The following CADM2 variants were observed in gnomAD, a reference collection of about 807,000 sequenced individuals.
CADM2 encodes the protein cell adhesion molecule 2.
CADM2 carries 12 observed loss-of-function variants against 49.8 expected under a neutral mutation model. The ratio of observed to expected loss-of-function variants is 0.24; its 90% CI spans 0.15 to 0.39. CADM2 has a LOEUF of 0.39. Among genes scored for constraint, CADM2 ranks in the 10% least tolerant of loss-of-function variants. The pLI, the probability that CADM2 is intolerant of heterozygous loss-of-function variation, is 1.00. For synonymous variants in CADM2, 214 were observed against 175.4 expected (o/e 1.22, Z -1.74); for missense variants, 378 against 492.3 (o/e 0.77, Z 2.20).
At chr3:85,449,977 T>C (rs1417580500) in intron 1 of CADM2, among the ~76,000 whole-genome samples, 1 of 152,060 alleles carries the variant, frequency 6.6e-6, no homozygotes, top group Admixed American at 6.6e-5. Flanking sequence ...ACTTGCCAAA[T>C]GGATGGCAGG....
chr3:85,443,378 T>A (rs1183059760), intron 1 of CADM2, among the ~76,000 whole-genome samples: 1 of 152,148 alleles, frequency 6.6e-6, no homozygotes, highest in Non-Finnish European at 1.5e-5. Flanking sequence ...TCAGTAATCT[T>A]TGGAACAGCT....
intron 2 of CADM2, among the ~76,000 whole-genome samples, chr3:85,761,367 C>CTTTTTT (rs529447125): frequency 1.1e-4 from 11 of 101,088 alleles, no homozygotes; most frequent in African/African-American, 4.3e-4. Flanking sequence ...CAACACAAAA[C>CTTTTTT]TTTTTTTTTT....
chr3:85,347,961 C>G (rs1225894218), intron 1 of CADM2, among the ~76,000 whole-genome samples: 1 of 152,054 alleles, frequency 6.6e-6, no homozygotes, highest in Non-Finnish European at 1.5e-5. Context: ...GCGCCCACCA[C>G]TGCGCCTGGC....
At chr3:85,821,349 CCTT>C (rs1243627984) in intron 3 of CADM2, among the ~76,000 whole-genome samples, 1 of 152,066 alleles carries the variant, frequency 6.6e-6, no homozygotes, top group East Asian at 1.9e-4. Flanking sequence ...GGGCATCAAT[CCTT>C]CATCTGTCCT....
intron 1 of CADM2, among the ~76,000 whole-genome samples, chr3:85,019,704 C>A (rs2034412103): frequency 1.3e-5 from 2 of 152,074 alleles, no homozygotes; most frequent in Admixed American, 1.3e-4. Context: ...CTGAAAGGAG[C>A]TCAGGAAATA....
intron 6 of CADM2, among the ~76,000 whole-genome samples, chr3:85,932,479 T>TA (rs1720724473): frequency 1.3e-5 from 2 of 152,134 alleles, no homozygotes; most frequent in East Asian, 3.9e-4. Context: ...TTAAAAGACC[T>TA]AGAGAAATTC....
intron 1 of CADM2, among the ~76,000 whole-genome samples, chr3:85,362,446 G>A (rs2032427896): frequency 6.6e-6 from 1 of 152,058 alleles, no homozygotes. Context: ...AAAATTAAAT[G>A]AAAAATTTAC....
chr3:85,505,054 T>A (rs1398336209), intron 1 of CADM2, among the ~76,000 whole-genome samples: 1 of 152,038 alleles, frequency 6.6e-6, no homozygotes, highest in Non-Finnish European at 1.5e-5. Flanking sequence ...CGCTGGCGCC[T>A]CTCCCTCCAC....
chr3:85,262,736 C>T (rs1323109686), intron 1 of CADM2, among the ~76,000 whole-genome samples: 2 of 151,970 alleles, frequency 1.3e-5, no homozygotes, highest in African/African-American at 4.8e-5. Context: ...GGAAACTTTC[C>T]AATACACAGT....
intron 2 of CADM2, among the ~76,000 whole-genome samples, chr3:85,789,141 A>G (rs2071179321): frequency 6.6e-6 from 1 of 152,104 alleles, no homozygotes; most frequent in Non-Finnish European, 1.5e-5. Context: ...GCTCAGCACT[A>G]TATTCCTCAC....
chr3:85,743,484 C>G lies in CADM2; in HGVS notation c.88+16936C>G, dbSNP rs544666672. Reference sequence around the variant, plus strand: ...AATGTTTACCTTTGCATTTTAGTGCCTTTTTTCCCATTGAAACTTTAACAA... The same window carrying G: ...AATGTTTACCTTTGCATTTTAGTGCGTTTTTTCCCATTGAAACTTTAACAA... On this transcript the variant is annotated intron_variant, in intron 2 of 9. Coordinates refer to ENST00000383699, the MANE Select transcript of CADM2 (RefSeq NM_001167675.2). Among the ~76,000 whole-genome samples, 69 of 152,206 alleles carry G rather than the reference C, an allele frequency of 4.5e-4. 1 individual carries two copies. The highest frequency in any genetic ancestry group is 1.6e-3 in the African/African-American group (67 of 41,534).
In CADM2 at chr3:85,961,468, G is replaced by A; in HGVS notation, c.792-1G>A. The A allele has an allele frequency of 6.3e-7, 1 of 1,582,248 alleles. No homozygotes were observed. The highest frequency in any genetic ancestry group is 8.6e-7 in the Non-Finnish European group (1 of 1,157,878). ...TCTACATGCATGTTTCAATCCAATAGGCCAGAACCTGTTTTGTGGACAAAG... is the reference window on the plus strand; with the variant it reads ...TCTACATGCATGTTTCAATCCAATAAGCCAGAACCTGTTTTGTGGACAAAG... On this transcript the variant is annotated splice_acceptor_variant, in intron 7 of 9. Coordinates refer to ENST00000383699, the MANE Select transcript of CADM2 (RefSeq NM_001167675.2). LOFTEE classifies it high-confidence loss of function.
chr3:85,942,246 T>C (rs561927822), intron 7 of CADM2, among the ~76,000 whole-genome samples: 4 of 152,108 alleles, frequency 2.6e-5, no homozygotes, highest in African/African-American at 9.6e-5. Flanking sequence ...AGGCCTGCCC[T>C]ACAAGAGCTC....
chr3:85,664,810 C>T (rs1307219543), intron 1 of CADM2, among the ~76,000 whole-genome samples: 1 of 151,960 alleles, frequency 6.6e-6, no homozygotes, highest in Non-Finnish European at 1.5e-5. Flanking sequence ...TTGAATTTCC[C>T]TTTTCGTTTA....
Position 85,543,420 on chromosome 3 carries a change from A to ATGTGTGTGGGGGTGTG in CADM2, c.62-183094_62-183093insGGGGTGTGTGTGTGTG, listed in dbSNP as rs372108050. On this transcript the variant is annotated intron_variant, in intron 1 of 9. Transcript: ENST00000383699. ...CAGGCACCGCCACCATGCCAAGCTA[A>ATGTGTGTGGGGGTGTG]TGTGTGTGTGTGTGTGTGTGTGTGT... 8.5e-3 allele frequency among the ~76,000 whole-genome samples: 1,099 copies of ATGTGTGTGGGGGTGTG among 129,632 alleles called. 20 individuals are homozygous for ATGTGTGTGGGGGTGTG. The highest frequency in any genetic ancestry group is 0.013 in the Non-Finnish European group (768 of 60,208). The allele number at this position is 129,632 out of a possible 152,430, so 85.0% of individuals were successfully genotyped here. A position where few individuals can be genotyped will look rare whatever the true frequency, so the allele number is the denominator to read the frequency against.
intron 3 of CADM2, among the ~76,000 whole-genome samples, chr3:85,872,627 C>T (rs1390636015): frequency 6.6e-6 from 1 of 150,830 alleles, no homozygotes. Context: ...TTAAACTGCC[C>T]TTCTCACTTA....
At chr3:85,309,864 C>T (rs895735766) in intron 1 of CADM2, among the ~76,000 whole-genome samples, 1 of 152,208 alleles carries the variant, frequency 6.6e-6, no homozygotes, top group African/African-American at 2.4e-5. Context: ...GATCTGGCAC[C>T]ATGCCCTTGG....
At chr3:85,836,297 C>A (rs965333542) in intron 3 of CADM2, among the ~76,000 whole-genome samples, 3 of 151,528 alleles carry the variant, frequency 2.0e-5, no homozygotes, top group Non-Finnish European at 4.4e-5. Context: ...GTAAAAATGA[C>A]CATTTGCTAC....
chr3:85,942,220 T>A (rs1440741830), intron 7 of CADM2, among the ~76,000 whole-genome samples: 1 of 151,768 alleles, frequency 6.6e-6, no homozygotes, highest in Non-Finnish European at 1.5e-5. Context: ...AAATAGTTGT[T>A]AAAAAAAATA....
Sources: allele counts gnomAD v4.1 joint callset (sites outside exome capture counted in the v4.1 genomes callset), GRCh38; gene constraint gnomAD v4.1.1; transcripts MANE v1.5; gene names NCBI Gene and HGNC (gene_info 2026-07-23, HGNC 2026-07-21).